FKBP1B: variants seen among roughly 807,000 people sequenced by gnomAD.
FKBP1B encodes the protein FKBP prolyl isomerase 1B.
Under a neutral mutation model 13.5 loss-of-function variants are expected in FKBP1B, and 4 were observed. The ratio of observed to expected loss-of-function variants is 0.30; its 90% CI spans 0.15 to 0.68. FKBP1B has a LOEUF of 0.68. Ranked by LOEUF, FKBP1B falls within the 30% of genes least tolerant of loss-of-function variation. The probability of loss-of-function intolerance (pLI) is 0.76; values close to 1 mark genes in which losing one functional copy is unlikely to be tolerated. For synonymous variants in FKBP1B, 54 were observed against 53.6 expected (o/e 1.01, Z -0.03); for missense variants, 93 against 136.2 (o/e 0.68, Z 1.58).
chr2:24,046,871 T>C (rs1427566734), upstream of FKBP1B, among the ~76,000 whole-genome samples: 1 of 152,192 alleles, frequency 6.6e-6, no homozygotes, highest in African/African-American at 2.4e-5. Context: ...TCATCTAACA[T>C]TATATATTAG....
rs1231216986 is a variant in FKBP1B at position 24,049,749 on chromosome 2, G to A, written c.-101G>A. The A allele has an allele frequency of 2.1e-6, 2 of 971,286 alleles. No homozygotes were observed. Among genetic ancestry groups the A allele is most frequent in the Non-Finnish European group, 2.7e-6 (2 of 738,206 alleles). 60.2% of individuals were successfully genotyped at this position (971,286 alleles called of 1,614,324 possible). A position where few individuals can be genotyped will look rare whatever the true frequency, so the allele number is the denominator to read the frequency against. ...GCACCTCCTCCGGCTCTGCAGTGGC[G>A]GCGAGGAGGCGAGCCGGAGCGACGG... On this transcript the variant is annotated 5_prime_UTR_variant, in exon 1 of 4. Transcript: ENST00000380986.
chr2:24,059,179 T>C (rs969904956), intron 2 of FKBP1B, among the ~76,000 whole-genome samples: 1 of 150,798 alleles, frequency 6.6e-6, no homozygotes, highest in African/African-American at 2.5e-5. Flanking sequence ...CCTTTTGTGG[T>C]GGTCCAGGGA....
chr2:24,038,017 C>T, the FKBP1B span: 2 of 1,614,168 alleles, frequency 1.2e-6, no homozygotes, highest in African/African-American at 1.3e-5. Flanking sequence ...AATAAGTGTT[C>T]TTCCAGGCCT....
At chr2:24,038,008 A>T in the FKBP1B span, 5 of 1,614,184 alleles carry the variant, frequency 3.1e-6, no homozygotes, top group Non-Finnish European at 4.2e-6. Flanking sequence ...GATTTCTTTA[A>T]TAAGTGTTCT....
intron 2 of FKBP1B, among the ~76,000 whole-genome samples, chr2:24,059,372 T>G (rs867415032): frequency 3.9e-4 from 56 of 144,530 alleles, no homozygotes; most frequent in African/African-American, 9.8e-4. Context: ...GACCAGCACC[T>G]GGGGGGGGGT....
intron 2 of FKBP1B, among the ~76,000 whole-genome samples, chr2:24,056,058 T>C (rs1390304302): frequency 1.3e-5 from 2 of 152,116 alleles, no homozygotes; most frequent in Non-Finnish European, 1.5e-5. Context: ...GGCATGATCT[T>C]GGCTCACTGC....
the FKBP1B span, chr2:24,038,378 A>C: frequency 2.5e-6 from 4 of 1,614,096 alleles, no homozygotes; most frequent in African/African-American, 5.3e-5. Context: ...TTTGGGACTG[A>C]AGATGGAATG....
chr2:24,052,887 C>T (rs1390248598), intron 1 of FKBP1B, among the ~76,000 whole-genome samples: 4 of 151,978 alleles, frequency 2.6e-5, no homozygotes, highest in African/African-American at 9.7e-5. Context: ...AGAAAGATTG[C>T]TTGAGCCCAG....
chr2:24,039,068 G>C, the FKBP1B span: 1 of 1,614,156 alleles, frequency 6.2e-7, no homozygotes, highest in Non-Finnish European at 8.5e-7. Flanking sequence ...TCATCAGAGT[G>C]AACATTAGGG....
the FKBP1B span, chr2:24,038,437 A>G: frequency 6.2e-7 from 1 of 1,614,178 alleles, no homozygotes. Context: ...CACTGCCACT[A>G]CGTGGGCTTT....
chr2:24,062,051 T>C (rs1295446757), intron 3 of FKBP1B, among the ~76,000 whole-genome samples: 1 of 152,076 alleles, frequency 6.6e-6, no homozygotes, highest in Non-Finnish European at 1.5e-5. Context: ...TTTGTATTTT[T>C]AGTAGAGACG....
chr2:24,036,639 C>G, the FKBP1B span, among the ~76,000 whole-genome samples: 1 of 152,302 alleles, frequency 6.6e-6, no homozygotes, highest in African/African-American at 2.4e-5. Flanking sequence ...AAGAGTACTA[C>G]TGCAGCATCA....
chr2:24,053,801 G>A, intron 1 of FKBP1B, 101 bp from the exon 2 acceptor site: 1 of 1,121,172 alleles, frequency 8.9e-7, no homozygotes, highest in East Asian at 2.4e-5. Flanking sequence ...CCATGGCATG[G>A]AGGGGAATGC....
chr2:24,035,027 G>T, the FKBP1B span, among the ~76,000 whole-genome samples: 1 of 150,620 alleles, frequency 6.6e-6, no homozygotes. Context: ...GATTTTTTTT[G>T]GATTAGATAA....
chr2:24,060,514 T>C (rs1449563012), intron 2 of FKBP1B, among the ~76,000 whole-genome samples: 1 of 152,172 alleles, frequency 6.6e-6, no homozygotes, highest in African/African-American at 2.4e-5. Flanking sequence ...ATTGTGCCAC[T>C]GCACTCCAGC....
intron 1 of FKBP1B, among the ~76,000 whole-genome samples, chr2:24,051,161 C>T (rs556710095): frequency 3.1e-4 from 47 of 152,154 alleles, no homozygotes; most frequent in African/African-American, 1.1e-3. Context: ...TGTTGAAACC[C>T]CGTCTCTACT....
Position 24,049,819 on chromosome 2 carries a change from AC to A in FKBP1B, c.-25del. 9.7e-6 allele frequency: 13 copies of A among 1,341,834 alleles called. No individual in the cohort carries two copies. Among genetic ancestry groups the A allele is most frequent in the South Asian group, 9.1e-5 (5 of 55,154 alleles). The allele number at this position is 1,341,834 out of a possible 1,614,324, so 83.1% of individuals were successfully genotyped here. ...GAGCCGGGGTCGGGCAGCAGCAGGG[AC>A]CCCCCAGAGGCGGGGCCTGTGGGAC... On this transcript the variant is annotated 5_prime_UTR_variant, in exon 1 of 4. Transcript: ENST00000380986.
the FKBP1B span, chr2:24,037,755 GT>G: frequency 6.8e-6 from 11 of 1,614,212 alleles, no homozygotes; most frequent in Non-Finnish European, 9.3e-6. Context: ...TATGCAGACG[GT>G]TTGTAAGTTC....
chr2:24,038,489 T>G, the FKBP1B span: 2 of 1,614,246 alleles, frequency 1.2e-6, no homozygotes, highest in Non-Finnish European at 1.7e-6. Flanking sequence ...ATGCCTGGAA[T>G]AGTGACTTTT....
Sources: gnomAD v4.1 joint callset for allele counts (sites outside exome capture counted in the v4.1 genomes callset) on GRCh38, gnomAD v4.1.1 for gene constraint, MANE v1.5 for transcripts, NCBI Gene and HGNC (gene_info 2026-07-23, HGNC 2026-07-21) for gene names.